Variants in SLC47A1 observed in about 807,000 individuals in gnomAD.
The protein encoded by SLC47A1 is solute carrier family 47 member 1, also known as multidrug and toxin extrusion protein 1.
SLC47A1 carries 58 observed loss-of-function variants against 65.8 expected under a neutral mutation model. The ratio of observed to expected loss-of-function variants is 0.88; its 90% confidence interval spans 0.71 to 1.10. SLC47A1 has a LOEUF of 1.10. SLC47A1 is among the 50% of genes least tolerant of loss of function. The pLI is 0.00. For synonymous variants in SLC47A1, 285 were observed against 295.0 expected (o/e 0.97, Z 0.35); for missense variants, 706 against 719.2 (o/e 0.98, Z 0.21).
intron 14 of SLC47A1, 145 bp from the exon 15 acceptor site, chr17:19,571,333 A>C: frequency 1.6e-6 from 1 of 630,660 alleles, no homozygotes; most frequent in Non-Finnish European, 2.7e-6. Context: ...AGCAGGATAG[A>C]GGTCTCTGGC....
At chr17:19,565,323 G>A (rs2084347119) in intron 12 of SLC47A1, among the ~76,000 whole-genome samples, 1 of 152,150 alleles carries the variant, frequency 6.6e-6, no homozygotes, top group East Asian at 1.9e-4. Context: ...GGCTTACTAG[G>A]AGACACAGTC....
At chr17:19,564,831 C>G (rs1366566449) in intron 12 of SLC47A1, among the ~76,000 whole-genome samples, 4 of 152,132 alleles carry the variant, frequency 2.6e-5, no homozygotes, top group Non-Finnish European at 5.9e-5. Context: ...AGTGATTCTC[C>G]TGCCTCAGCC....
intron 5 of SLC47A1, 31 bp downstream of exon 5, chr17:19,549,708 C>G (rs1413501863): frequency 6.2e-7 from 1 of 1,612,966 alleles, no homozygotes; most frequent in Non-Finnish European, 8.5e-7. Context: ...AGATTCCCTT[C>G]TTGGGGTCCG....
intron 5 of SLC47A1, among the ~76,000 whole-genome samples, chr17:19,550,467 C>T (rs2152313728): frequency 6.6e-6 from 1 of 152,300 alleles, no homozygotes; most frequent in East Asian, 1.9e-4. Context: ...AGGTGCACAC[C>T]ACCACGCCCA....
Position 19,551,328 on chromosome 17 carries a change from G to A in SLC47A1, c.499-96G>A, listed in dbSNP as rs191586520. ...CTCCGTGCGGGAGCAGAGGGCAGCC[G>A]AACCTTGGCTGTGGCTCCTAGCTCC... On this transcript the variant is annotated intron_variant, in intron 5 of 16. Coordinates refer to ENST00000270570, the MANE Select transcript of SLC47A1 (RefSeq NM_018242.3). The A allele has an allele frequency of 9.4e-4, 1,056 of 1,124,950 alleles. 1 individual carries two copies. The highest frequency in any genetic ancestry group is 1.2e-3 in the Non-Finnish European group (889 of 735,886). The allele number at this position is 1,124,950 out of a possible 1,614,324, so 69.7% of individuals were successfully genotyped here.
chr17:19,541,352 G>A (rs1272215928), intron 1 of SLC47A1, among the ~76,000 whole-genome samples: 1 of 152,296 alleles, frequency 6.6e-6, no homozygotes, highest in Non-Finnish European at 1.5e-5. Flanking sequence ...CGTGTAGCCT[G>A]CCAGGGGAGA....
rs78700676 is a variant in SLC47A1, at chr17:19,577,397, G to C, written c.1557G>C (p.Gln519His). The change falls in exon 17 of 17, where the codon CAG becomes CAC. Residue 519 changes from glutamine (Q) to histidine (H), a missense_variant. Physicochemically the swap from Gln to His is conservative, Grantham distance 24. Transcript: ENST00000270570. Reference protein sequence around the residue: ...VGKTGEPQSDQQMRQEEPLPE... With the variant: ...VGKTGEPQSDHQMRQEEPLPE... ...AGACAGGCGAGCCTCAGTCAGATCA[G>C]CAGATGCGCCAAGAAGAACCTTTGC... is the stretch of plus-strand genomic sequence containing the variant. 15 of 1,614,076 alleles carry C rather than the reference G, an allele frequency of 9.3e-6. No homozygotes were observed. In the African/African-American group the frequency reaches 2.0e-4, roughly 22 times the overall value.
At chr17:19,576,672 CCTT>C (rs1285389539) in intron 16 of SLC47A1, among the ~76,000 whole-genome samples, 1 of 151,958 alleles carries the variant, frequency 6.6e-6, no homozygotes, top group Non-Finnish European at 1.5e-5. Flanking sequence ...GGTTGTTTCT[CCTT>C]GTGTTTTGTT....
intron 16 of SLC47A1, among the ~76,000 whole-genome samples, chr17:19,575,080 C>G (rs2084428862): frequency 7.2e-6 from 1 of 139,474 alleles, no homozygotes; most frequent in African/African-American, 2.6e-5. Context: ...TCCCTCCCTC[C>G]CTTTTTCTCT....
Position 19,533,928 on chromosome 17 carries a change from C to G in SLC47A1, c.-12C>G, listed in dbSNP as rs535874124. ...CGGCCTCCGCGCTACCCGGCCGCAG[C>G]GCGCGAGTCACATGGAAGCTCCTGA... On this transcript the variant is annotated 5_prime_UTR_variant, in exon 1 of 17. Coordinates refer to ENST00000270570, the MANE Select transcript of SLC47A1 (RefSeq NM_018242.3). 1.3e-6 allele frequency: 2 copies of G among 1,489,088 alleles called. No homozygotes were observed. The highest frequency in any genetic ancestry group is 2.3e-5 in the Admixed American group (1 of 42,782). 92.2% of individuals were successfully genotyped at this position (1,489,088 alleles called of 1,614,324 possible).
intron 12 of SLC47A1, among the ~76,000 whole-genome samples, chr17:19,561,964 A>C (rs993783956): frequency 6.6e-6 from 1 of 152,202 alleles, no homozygotes; most frequent in African/African-American, 2.4e-5. Flanking sequence ...GCTGTCTCAA[A>C]AGTCATATTC....
chr17:19,534,272 A>C, intron 1 of SLC47A1, 198 bp downstream of exon 1: 4 of 621,230 alleles, frequency 6.4e-6, no homozygotes, highest in African/African-American at 1.9e-5. Context: ...GCTCCGCACC[A>C]CCCGACTGGG....
At chr17:19,559,844 T>G (rs568896037) in intron 10 of SLC47A1, among the ~76,000 whole-genome samples, 1 of 150,684 alleles carries the variant, frequency 6.6e-6, no homozygotes, top group Non-Finnish European at 1.5e-5. Flanking sequence ...CTGTCCCTAT[T>G]TAAAAACAAA....
In SLC47A1 at chr17:19,534,018, C is replaced by CGGCT. The variant is rs1272832115; in HGVS notation, c.81_84dup (p.Ser29AlafsTer70). The stretch of plus-strand genomic sequence containing the variant: ...TGAGGTCCGTGGGTCGCGCTGCTTG[C>CGGCT]GGCTGTCCGCCTTCCGAGAAGAGCT... On this transcript the variant is annotated frameshift_variant, in exon 1 of 17. Transcript: ENST00000270570. LOFTEE classifies it high-confidence loss of function. 1 of 1,545,712 alleles carries CGGCT rather than the reference C, an allele frequency of 6.5e-7. No individual in the cohort carries two copies.
chr17:19,547,481 T>A (rs531017724), intron 3 of SLC47A1, among the ~76,000 whole-genome samples: 1 of 151,522 alleles, frequency 6.6e-6, no homozygotes, highest in East Asian at 1.9e-4. Flanking sequence ...AAATGAAGTG[T>A]GAATTTCAGA....
At chr17:19,577,182 G>A in intron 16 of SLC47A1, 145 bp from the exon 17 acceptor site, 1 of 1,205,082 alleles carries the variant, frequency 8.3e-7, no homozygotes, top group Middle Eastern at 2.5e-4. Flanking sequence ...TCTGCGATAA[G>A]ATTTCTTTTA....
rs1226575800 is a variant in SLC47A1 at position 19,537,640 on chromosome 17, C to T, written c.135+3566C>T. On this transcript the variant is annotated intron_variant, in intron 1 of 16. Transcript: ENST00000270570. ...TGGCTTTAGCTCCTTAAATACCTCTCAGAGGGATCCACTTTTTCGTATCTC... is the reference window on the plus strand; with the variant it reads ...TGGCTTTAGCTCCTTAAATACCTCTTAGAGGGATCCACTTTTTCGTATCTC... Among the ~76,000 whole-genome samples, 2 of 152,242 alleles carry T rather than the reference C, an allele frequency of 1.3e-5. 1 individual carries two copies. The highest frequency in any genetic ancestry group is 1.3e-4 in the Admixed American group (2 of 15,290).
rs577050538 is a variant in SLC47A1 at position 19,555,546 on chromosome 17, A to C, written c.642-47A>C. The C allele has an allele frequency of 1.4e-5, 22 of 1,575,848 alleles. 1 individual carries two copies. In the South Asian group the frequency reaches 2.4e-4, roughly 17 times the overall value. On this transcript the variant is annotated intron_variant, in intron 7 of 16. Transcript: ENST00000270570. Reference sequence around the variant, plus strand: ...CCCCTCCTCACTGAGTTGGGCAGGGAGAGGCGCAGGAAGGTACCTCCCTCT... The same window carrying C: ...CCCCTCCTCACTGAGTTGGGCAGGGCGAGGCGCAGGAAGGTACCTCCCTCT...
In SLC47A1 at chr17:19,577,426, A is replaced by C. The variant is rs1376807223; in HGVS notation, c.1586A>C (p.Glu529Ala). Residue 529 changes from glutamate (E) to alanine (A), a missense_variant, in exon 17 of 17, where the codon GAA becomes GCA. Physicochemically the swap from Glu to Ala is moderately radical, Grantham distance 107. Coordinates refer to ENST00000270570, the MANE Select transcript of SLC47A1 (RefSeq NM_018242.3). ...QQMRQEEPLP[E>A]HPQDGAKLSR... is the part of the protein sequence containing the mutation. ...ATGCGCCAAGAAGAACCTTTGCCGG[A>C]ACATCCACAGGACGGCGCTAAATTG... is the stretch of plus-strand genomic sequence containing the variant. The C allele has an allele frequency of 6.2e-7, 1 of 1,614,226 alleles. No individual in the cohort carries two copies. Among genetic ancestry groups the C allele is most frequent in the Admixed American group, 1.7e-5 (1 of 60,028 alleles).
Sources: gnomAD v4.1 joint callset for allele counts (sites outside exome capture counted in the v4.1 genomes callset) on GRCh38, gnomAD v4.1.1 for gene constraint, MANE v1.5 for transcripts, NCBI Gene and HGNC (gene_info 2026-07-23, HGNC 2026-07-21) for gene names.